Variants in NRXN3 observed in about 807,000 individuals in gnomAD.
The protein encoded by NRXN3 is neurexin 3.
A neutral mutation model predicts 137.6 loss-of-function variants in NRXN3; 32 were observed. That is an observed-to-expected ratio of 0.23 (90% CI 0.18 to 0.31). NRXN3 has a LOEUF of 0.31. NRXN3 is among the 10% of genes least tolerant of loss of function. NRXN3 has a pLI of 1.00. For synonymous variants in NRXN3, 798 were observed against 784.5 expected (o/e 1.02, Z -0.29); for missense variants, 1,574 against 2,062.5 (o/e 0.76, Z 4.59).
intron 6 of NRXN3, among the ~76,000 whole-genome samples, chr14:78,662,298 A>G (rs2097848219): frequency 6.6e-6 from 1 of 152,076 alleles, no homozygotes; most frequent in Non-Finnish European, 1.5e-5. Context: ...AGGCTTAACT[A>G]ATAGAACCAG....
In NRXN3 at chr14:78,243,361, A is replaced by C. The variant is rs1384030976; in HGVS notation, c.268A>C (p.Ser90Arg). Residue 90 changes from serine to arginine, a missense_variant, in exon 2 of 21, where the codon AGC (serine) becomes CGC (arginine). Coordinates refer to ENST00000335750, the MANE Select transcript of NRXN3 (RefSeq NM_001330195.2). This position sits in a 1 kb window ranked among gnomAD's most constrained non-coding sequence, Gnocchi z 4.2. ...GGATGGCCGCGTTCAGCTCCGCTTC[A>C]GCATGGACTGTGCCGAGACTGCCGT... The part of the protein sequence containing the change: ...LVDGRVQLRF[S>R]MDCAETAVLS... 1 of 1,563,180 alleles carries C rather than the reference A, an allele frequency of 6.4e-7. No individual in the cohort carries two copies. Among genetic ancestry groups the C allele is most frequent in the Non-Finnish European group, 8.6e-7 (1 of 1,162,020 alleles).
intron 15 of NRXN3, among the ~76,000 whole-genome samples, chr14:79,131,840 C>G (rs569687030): frequency 7.1e-6 from 1 of 140,804 alleles, no homozygotes; most frequent in African/African-American, 2.6e-5. Context: ...ACTCCGTGGG[C>G]GTAGGACCCT....
At chr14:79,815,269 T>C (rs189311706) in intron 20 of NRXN3, among the ~76,000 whole-genome samples, 2 of 152,344 alleles carry the variant, frequency 1.3e-5, no homozygotes, top group Admixed American at 1.3e-4. Flanking sequence ...CAACTTTCCC[T>C]CTTTAAGGGT....
chr14:79,473,522 G>C (rs1166739390), intron 16 of NRXN3, among the ~76,000 whole-genome samples: 1 of 152,148 alleles, frequency 6.6e-6, no homozygotes, highest in African/African-American at 2.4e-5. Flanking sequence ...TGTTAGCTTA[G>C]ATTCATCTCT....
At chr14:78,294,521 A>G (rs1194595639) in intron 3 of NRXN3, among the ~76,000 whole-genome samples, 1 of 144,038 alleles carries the variant, frequency 6.9e-6, no homozygotes, top group Non-Finnish European at 1.5e-5. Flanking sequence ...GCACCATTGC[A>G]CTTTAGCCTG....
chr14:79,693,920 A>T (rs975958817), intron 18 of NRXN3, among the ~76,000 whole-genome samples: 3 of 151,910 alleles, frequency 2.0e-5, no homozygotes, highest in African/African-American at 4.8e-5. Context: ...CTGAAAAAAA[A>T]TTTTTGTTGT....
At chr14:79,173,755 T>C (rs190486170) in intron 15 of NRXN3, among the ~76,000 whole-genome samples, 1 of 152,198 alleles carries the variant, frequency 6.6e-6, no homozygotes, top group Admixed American at 6.5e-5. Context: ...TGACTCCATG[T>C]GGTAATCACA....
chr14:79,133,034 G>C (rs575031716), intron 15 of NRXN3, among the ~76,000 whole-genome samples: 2 of 152,206 alleles, frequency 1.3e-5, no homozygotes, highest in Non-Finnish European at 2.9e-5. Context: ...CCCTGAAGGC[G>C]CTGGCAGCTG....
intron 15 of NRXN3, among the ~76,000 whole-genome samples, chr14:79,139,887 G>A (rs189126025): frequency 5.5e-4 from 83 of 149,634 alleles, no homozygotes; most frequent in African/African-American, 1.7e-3. Flanking sequence ...TTGGAAATAT[G>A]GCTTATACAA....
At chr14:78,220,165 A>G (rs2063697632) in intron 1 of NRXN3, among the ~76,000 whole-genome samples, 1 of 152,052 alleles carries the variant, frequency 6.6e-6, no homozygotes, top group African/African-American at 2.4e-5. Flanking sequence ...GAGGAGGAAA[A>G]CAATGAGTTT....
chr14:79,637,507 G>T (rs976239138), intron 16 of NRXN3, among the ~76,000 whole-genome samples: 7 of 151,908 alleles, frequency 4.6e-5, no homozygotes, highest in Admixed American at 2.6e-4. Flanking sequence ...TGTAGGAAAG[G>T]GGGGAATCCT....
chr14:78,772,642 T>C (rs563646260), intron 8 of NRXN3, among the ~76,000 whole-genome samples: 4 of 152,246 alleles, frequency 2.6e-5, no homozygotes, highest in Non-Finnish European at 4.4e-5. Context: ...TGCACACAAA[T>C]CATCTGGGGA....
chr14:79,787,699 C>G (rs1395734496), intron 19 of NRXN3, among the ~76,000 whole-genome samples: 2 of 152,124 alleles, frequency 1.3e-5, no homozygotes, highest in Non-Finnish European at 2.9e-5. Flanking sequence ...TCCTTTAGCT[C>G]CATCCACATT....
intron 8 of NRXN3, among the ~76,000 whole-genome samples, chr14:78,725,914 G>T (rs892254932): frequency 6.6e-6 from 1 of 152,152 alleles, no homozygotes; most frequent in African/African-American, 2.4e-5. Context: ...TAAGATATGT[G>T]CTATTTTCAT....
At chr14:78,246,260 T>G (rs780354309) in intron 2 of NRXN3, among the ~76,000 whole-genome samples, 2 of 152,256 alleles carry the variant, frequency 1.3e-5, no homozygotes, top group Non-Finnish European at 2.9e-5. Context: ...TTTGCTTTTC[T>G]CTTCTTTTTC....
intron 15 of NRXN3, among the ~76,000 whole-genome samples, chr14:79,411,821 A>G (rs1395212630): frequency 6.6e-6 from 1 of 152,200 alleles, no homozygotes; most frequent in African/African-American, 2.4e-5. Context: ...CTAGAGATAT[A>G]GATGTGACTA....
intron 19 of NRXN3, among the ~76,000 whole-genome samples, chr14:79,711,699 C>T (rs2098804879): frequency 6.6e-6 from 1 of 152,198 alleles, no homozygotes; most frequent in African/African-American, 2.4e-5. Context: ...TGCTAGAGTG[C>T]TGGCTGATGG....
chr14:79,652,253 C>T (rs1426766599), intron 16 of NRXN3, among the ~76,000 whole-genome samples: 1 of 152,182 alleles, frequency 6.6e-6, no homozygotes, highest in Non-Finnish European at 1.5e-5. Flanking sequence ...TCCTCAGCCT[C>T]TTGAATGACA....
intron 1 of NRXN3, among the ~76,000 whole-genome samples, chr14:78,173,350 C>T (rs2058924815): frequency 6.6e-6 from 1 of 151,956 alleles, no homozygotes; most frequent in Non-Finnish European, 1.5e-5. Context: ...GGGGCTTGGT[C>T]GTAATTAGCC....
Sources: gnomAD v4.1 joint callset for allele counts (sites outside exome capture counted in the v4.1 genomes callset) on GRCh38, gnomAD v4.1.1 for gene constraint, Gnocchi (gnomAD v3.1) non-coding constraint, MANE v1.5 for transcripts, NCBI Gene and HGNC (gene_info 2026-07-23, HGNC 2026-07-21) for gene names.